Variants in THAP8 observed in about 807,000 individuals in gnomAD.
THAP8 encodes the protein THAP domain-containing protein 8.
A neutral mutation model predicts 25.0 loss-of-function variants in THAP8; 24 were observed. The observed-to-expected ratio is 0.96, with a 90% CI of 0.69 to 1.35. The LOEUF (loss-of-function observed/expected upper bound fraction) is 1.35, where lower values mean the gene tolerates loss of function less well. Ranked by LOEUF, THAP8 falls within the 40% of genes most tolerant of loss-of-function variation. THAP8 has a pLI of 0.00. For synonymous variants in THAP8, 169 were observed against 157.6 expected (o/e 1.07, Z -0.54); for missense variants, 399 against 368.8 (o/e 1.08, Z -0.67).
At chr19:36,042,307 T>C (rs577853572) in intron 1 of THAP8, among the ~76,000 whole-genome samples, 7 of 151,978 alleles carry the variant, frequency 4.6e-5, no homozygotes, top group Non-Finnish European at 7.4e-5. Context: ...AACAGGGTCT[T>C]GGAGAGATAT....
intron 3 of THAP8, among the ~76,000 whole-genome samples, chr19:36,035,998 G>A (rs553869663): frequency 6.6e-6 from 1 of 152,194 alleles, no homozygotes; most frequent in African/African-American, 2.4e-5. Flanking sequence ...GGAGGAGATT[G>A]GGAGGTAGGG....
At chr19:36,051,942 A>T (rs755735474) in intron 1 of THAP8, among the ~76,000 whole-genome samples, 7 of 152,190 alleles carry the variant, frequency 4.6e-5, no homozygotes, top group Non-Finnish European at 1.0e-4. Flanking sequence ...CTGTCAGAGC[A>T]GCAGCAGCAT....
upstream of THAP8, chr19:36,054,291 C>T: frequency 6.6e-7 from 1 of 1,514,646 alleles, no homozygotes; most frequent in South Asian, 1.2e-5. Context: ...CGCCTAACCC[C>T]GCCCCACCCG....
upstream of THAP8, chr19:36,054,598 T>C (rs1237946829): frequency 5.6e-6 from 3 of 535,240 alleles, no homozygotes; most frequent in Non-Finnish European, 1.0e-5. Flanking sequence ...CGGGCAACCG[T>C]TGGGGCGCAC....
rs10421966 is a variant in THAP8, at chr19:36,039,441, C to T, written c.554G>A (p.Arg185Gln). The change falls in exon 3 of 4, where the codon CGG (arginine) becomes CAG (glutamine). Residue 185 changes from arginine to glutamine, a missense_variant. Physicochemically the swap from Arg to Gln is conservative, Grantham distance 43. Coordinates refer to ENST00000292894, the MANE Select transcript of THAP8 (RefSeq NM_152658.3). The part of the protein sequence containing the change: ...PVLGALQRRV[R>Q]RLQRCQERHQ... ...CCGCTCCTGGCACCGTTGCAGCCTC[C>T]GCACCCGGCGTTGCAGTGCTCCCAG... 480,096 of 1,587,060 alleles carry T rather than the reference C, an allele frequency of 0.3. 74,156 individuals are homozygous for T. Among genetic ancestry groups the T allele is most frequent in the East Asian group, 0.33 (14,485 of 43,498 alleles).
chr19:36,035,273 C>A lies in THAP8; in HGVS notation c.*167G>T. 1 of 863,654 alleles carries A rather than the reference C, an allele frequency of 1.2e-6. No homozygotes were observed. Among genetic ancestry groups the A allele is most frequent in the South Asian group, 2.0e-5 (1 of 49,940 alleles). 53.5% of individuals were successfully genotyped at this position (863,654 alleles called of 1,614,324 possible). A position where few individuals can be genotyped will look rare whatever the true frequency, so the allele number is the denominator to read the frequency against. Reference sequence around the variant, plus strand: ...GATGAGAGACTTGGGCCCAGGTCACCCCTAAGGTTCAAGAGATCCCTAGGA... The same window carrying A: ...GATGAGAGACTTGGGCCCAGGTCACACCTAAGGTTCAAGAGATCCCTAGGA... On this transcript the variant is annotated 3_prime_UTR_variant, in exon 4 of 4. Coordinates refer to ENST00000292894, the MANE Select transcript of THAP8 (RefSeq NM_152658.3).
intron 1 of THAP8, among the ~76,000 whole-genome samples, chr19:36,047,668 A>C (rs1473761603): frequency 6.6e-6 from 1 of 152,158 alleles, no homozygotes. Context: ...CTAAAAATAC[A>C]AAAATTAGCT....
Position 36,039,573 on chromosome 19 carries a change from T to C in THAP8, c.422A>G (p.Lys141Arg), listed in dbSNP as rs1199623446. The C allele has an allele frequency of 6.6e-7, 1 of 1,518,626 alleles. No homozygotes were observed. Among genetic ancestry groups the C allele is most frequent in the African/African-American group, 1.4e-5 (1 of 72,342 alleles). The allele number at this position is 1,518,626 out of a possible 1,614,324, so 94.1% of individuals were successfully genotyped here. A position where few individuals can be genotyped will look rare whatever the true frequency, so the allele number is the denominator to read the frequency against. ...VVLGPTSGSP[K>R]TVATMLLTPL... ...GGTCAGGAGCATGGTGGCCACAGTC[T>C]TGGGGCTCCCCGATGTGGGGCCCAG... is the stretch of plus-strand genomic sequence containing the variant. The change falls in exon 3 of 4, where the codon AAG (lysine) becomes AGG (arginine). Residue 141 changes from lysine (K) to arginine (R), a missense_variant. Transcript: ENST00000292894.
intron 1 of THAP8, among the ~76,000 whole-genome samples, chr19:36,050,424 G>A (rs1228924620): frequency 6.6e-6 from 1 of 152,216 alleles, no homozygotes; most frequent in Non-Finnish European, 1.5e-5. Context: ...GATTACAGGT[G>A]TGAGCCACCA....
chr19:36,039,876 G>A, intron 2 of THAP8, 68 bp downstream of exon 2: 1 of 1,603,636 alleles, frequency 6.2e-7, no homozygotes, highest in Non-Finnish European at 8.5e-7. Flanking sequence ...TCAGACTCAA[G>A]GAGGGACTTC....
chr19:36,040,245 G>GTCTACTTCCTA, intron 1 of THAP8, 109 bp from the exon 2 acceptor site: 2 of 1,176,744 alleles, frequency 1.7e-6, no homozygotes, highest in Non-Finnish European at 1.2e-6. Context: ...GCCTCCCTAG[G>GTCTACTTCCTA]GCTAGGAAGT....
intron 1 of THAP8, among the ~76,000 whole-genome samples, chr19:36,040,877 G>A (rs920541824): frequency 1.3e-5 from 2 of 152,100 alleles, no homozygotes; most frequent in African/African-American, 2.4e-5. Flanking sequence ...ATGGGGGTGT[G>A]GGGTTTCTGG....
rs200473955 is a variant in THAP8, at chr19:36,035,457, G to A, written c.808C>T (p.Arg270Trp). ...VDAKPELLDT[R>W]IPSA ...CTTGATCCTTATGCACTGGGGATCC[G>A]AGTGTCCAGGAGCTCCGGCTTGGCA... The change falls in exon 4 of 4, where the codon CGG becomes TGG. Residue 270 changes from arginine (R) to tryptophan (W), a missense_variant. Physicochemically the swap from Arg to Trp is moderately radical, Grantham distance 101 (BLOSUM62 -3). Coordinates refer to ENST00000292894, the MANE Select transcript of THAP8 (RefSeq NM_152658.3). 28 of 1,613,810 alleles carry A rather than the reference G, an allele frequency of 1.7e-5. No homozygotes were observed. The highest frequency in any genetic ancestry group is 2.2e-5 in the East Asian group (1 of 44,884).
chr19:36,038,805 T>C (rs1969572167), intron 3 of THAP8, among the ~76,000 whole-genome samples: 1 of 150,610 alleles, frequency 6.6e-6, no homozygotes, highest in Non-Finnish European at 1.5e-5. Flanking sequence ...GAGCCGAGAT[T>C]GCACTACTGC....
chr19:36,036,600 CCAAA>C (rs1311109684), intron 3 of THAP8, among the ~76,000 whole-genome samples: 2 of 151,956 alleles, frequency 1.3e-5, no homozygotes, highest in South Asian at 2.1e-4. Flanking sequence ...ACTGCGGAGG[CCAAA>C]CAAATTGTAT....
Position 36,039,564 on chromosome 19 carries a change from G to C in THAP8, c.431C>G (p.Ala144Gly). ...GPTSGSPKTV[A>G]TMLLTPLAPA... ...GGCCAGGGGGGTCAGGAGCATGGTGGCCACAGTCTTGGGGCTCCCCGATGT... is the reference window on the plus strand; with the variant it reads ...GGCCAGGGGGGTCAGGAGCATGGTGCCCACAGTCTTGGGGCTCCCCGATGT... Residue 144 changes from alanine to glycine, a missense_variant, in exon 3 of 4, where the codon GCC (alanine) becomes GGC (glycine). Coordinates refer to ENST00000292894, the MANE Select transcript of THAP8 (RefSeq NM_152658.3). The C allele has an allele frequency of 6.6e-7, 1 of 1,520,554 alleles. No homozygotes were observed. Among genetic ancestry groups the C allele is most frequent in the Non-Finnish European group, 8.9e-7 (1 of 1,129,690 alleles). 94.2% of individuals were successfully genotyped at this position (1,520,554 alleles called of 1,614,324 possible).
At position 36,039,455 on chromosome 19, in the gene THAP8, C is replaced by T; in HGVS notation, c.540G>A (p.Leu180=). The change falls in exon 3 of 4, where the codon CTG becomes CTA. Residue 180 remains leucine, a synonymous_variant. Coordinates refer to ENST00000292894, the MANE Select transcript of THAP8 (RefSeq NM_152658.3). The part of the protein sequence containing the change: ...QTGLGPVLGA[L]QRRVRRLQRC... ...GTTGCAGCCTCCGCACCCGGCGTTG[C>T]AGTGCTCCCAGCACTGGGCCCAGCC... The T allele has an allele frequency of 6.3e-7, 1 of 1,598,882 alleles. No individual in the cohort carries two copies. Among genetic ancestry groups the T allele is most frequent in the Non-Finnish European group, 8.5e-7 (1 of 1,172,166 alleles).
intron 3 of THAP8, among the ~76,000 whole-genome samples, chr19:36,038,453 A>G (rs1328914101): frequency 1.3e-5 from 2 of 151,800 alleles, no homozygotes; most frequent in Non-Finnish European, 2.9e-5. Context: ...CAGTCTTACC[A>G]TGTTGTCCAG....
chr19:36,039,345 G>A lies in THAP8; in HGVS notation c.650C>T (p.Ala217Val), dbSNP rs887291746. ...CACCAGGCGCTGCAGACCCCGGCGT[G>A]CCCGTGCCAGCAGGCTCTCCCCGTG... ...QLHGESLLAR[A>V]RRGLQRLTTA... The change falls in exon 3 of 4, where the codon GCA becomes GTA. Residue 217 changes from alanine to valine, a missense_variant. Ala to Val is a moderately conservative substitution (Grantham distance 64). Transcript: ENST00000292894. 5.2e-6 allele frequency: 8 copies of A among 1,525,458 alleles called. No individual in the cohort carries two copies. In the Admixed American group the frequency reaches 8.0e-5, roughly 15 times the overall value. The allele number at this position is 1,525,458 out of a possible 1,614,324, so 94.5% of individuals were successfully genotyped here.
Sources: gnomAD v4.1 joint callset for allele counts (sites outside exome capture counted in the v4.1 genomes callset) on GRCh38, gnomAD v4.1.1 for gene constraint, MANE v1.5 for transcripts, NCBI Gene and HGNC (gene_info 2026-07-23, HGNC 2026-07-21) for gene names.